SND1: variants seen among roughly 807,000 people sequenced by gnomAD.
SND1 encodes staphylococcal nuclease domain-containing protein 1.
A neutral mutation model predicts 121.7 loss-of-function variants in SND1; 38 were observed. The observed-to-expected ratio is 0.31, with a 90% CI of 0.24 to 0.41. The LOEUF (loss-of-function observed/expected upper bound fraction) is 0.41, where lower values mean the gene tolerates loss of function less well. Ranked by LOEUF, SND1 falls within the 10% of genes least tolerant of loss-of-function variation. The probability of loss-of-function intolerance (pLI) is 1.00; values close to 1 mark genes in which losing one functional copy is unlikely to be tolerated. For synonymous variants in SND1, 401 were observed against 447.4 expected (o/e 0.90, Z 1.31); for missense variants, 868 against 1,184.6 (o/e 0.73, Z 3.92).
At chr7:128,014,774 T>G (rs1166096801) in intron 16 of SND1, among the ~76,000 whole-genome samples, 1 of 152,232 alleles carries the variant, frequency 6.6e-6, no homozygotes. Context: ...AGTCCACAGC[T>G]GTGTCTGCAA....
intron 10 of SND1, among the ~76,000 whole-genome samples, chr7:127,791,294 A>G (rs959335172): frequency 5.9e-5 from 9 of 151,752 alleles, no homozygotes; most frequent in Admixed American, 2.0e-4. Context: ...AACTACAGGC[A>G]CATGCCACCA....
At chr7:127,874,077 C>G (rs951367520) in intron 12 of SND1, among the ~76,000 whole-genome samples, 4 of 152,100 alleles carry the variant, frequency 2.6e-5, no homozygotes, top group African/African-American at 9.7e-5. Context: ...TATGGTGTCA[C>G]AGGGGCAGGA....
At chr7:127,946,056 A>G (rs952694818) in intron 15 of SND1, among the ~76,000 whole-genome samples, 1 of 152,232 alleles carries the variant, frequency 6.6e-6, no homozygotes, top group Non-Finnish European at 1.5e-5. Context: ...CTAGGAATCA[A>G]TCTGGTACTG....
At chr7:127,744,476 TG>T (rs1283508205) in intron 10 of SND1, among the ~76,000 whole-genome samples, 1 of 152,166 alleles carries the variant, frequency 6.6e-6, no homozygotes, top group Non-Finnish European at 1.5e-5. Context: ...GCATGTACAG[TG>T]GGTGGAAGTA....
At chr7:128,024,372 T>C (rs1803428148) in intron 16 of SND1, among the ~76,000 whole-genome samples, 1 of 152,088 alleles carries the variant, frequency 6.6e-6, no homozygotes, top group Non-Finnish European at 1.5e-5. Context: ...ATCAGACATA[T>C]GTTTGGATAT....
intron 10 of SND1, among the ~76,000 whole-genome samples, chr7:127,767,119 T>C (rs1797436900): frequency 6.6e-6 from 1 of 152,200 alleles, no homozygotes; most frequent in Admixed American, 6.5e-5. Flanking sequence ...TTACTCATCC[T>C]ACTTCTCATT....
At chr7:127,835,726 G>A (rs1283207224) in intron 11 of SND1, among the ~76,000 whole-genome samples, 1 of 152,070 alleles carries the variant, frequency 6.6e-6, no homozygotes, top group South Asian at 2.1e-4. Context: ...CTGGAGAATC[G>A]AGATTTAATG....
intron 11 of SND1, among the ~76,000 whole-genome samples, chr7:127,812,447 T>A (rs2116585971): frequency 6.6e-6 from 1 of 152,340 alleles, no homozygotes; most frequent in South Asian, 2.1e-4. Flanking sequence ...CGCCTAAATA[T>A]ACAGACAATG....
chr7:128,087,258 G>A (rs555402621), intron 21 of SND1, among the ~76,000 whole-genome samples: 102 of 152,322 alleles, frequency 6.7e-4, no homozygotes, highest in African/African-American at 2.3e-3. Context: ...AGGCCAGGGT[G>A]CATTTGGACA....
rs370442602 is a variant in SND1, at chr7:127,652,413, C to G, written c.40C>G (p.Pro14Ala). Residue 14 changes from proline (P) to alanine (A), a missense_variant, in exon 1 of 24, where the codon CCC becomes GCC. Around this residue, in one of 2 missense-constraint regions of SND1, gnomAD observed 125 missense variants for 113.3 expected, o/e 1.10. Transcript: ENST00000354725. ...GCAGAGCGGCGGCTCCTCCGGGGGA[C>G]CCGCGGTCCCCACCGTGCAGCGGGG... The part of the protein sequence containing the change: ...SAQSGGSSGG[P>A]AVPTVQRGII... 4 of 1,569,664 alleles carry G rather than the reference C, an allele frequency of 2.5e-6. No individual in the cohort carries two copies. The highest frequency in any genetic ancestry group is 1.2e-5 in the South Asian group (1 of 83,280).
chr7:127,803,870 C>T (rs547939303), intron 10 of SND1, among the ~76,000 whole-genome samples: 6 of 152,332 alleles, frequency 3.9e-5, no homozygotes, highest in African/African-American at 1.4e-4. Context: ...AGATGACTGA[C>T]GTTACCTCTT....
chr7:128,072,660 T>A (rs1046492032), intron 16 of SND1, among the ~76,000 whole-genome samples: 1 of 151,986 alleles, frequency 6.6e-6, no homozygotes, highest in Non-Finnish European at 1.5e-5. Flanking sequence ...TGTCCACCCC[T>A]ACCACACTAC....
chr7:127,716,339 TC>T, intron 9 of SND1, among the ~76,000 whole-genome samples: 1 of 152,340 alleles, frequency 6.6e-6, no homozygotes. Context: ...CAGTCCATGA[TC>T]ATGGGACGTG....
At chr7:127,825,151 C>T (rs1798619655) in intron 11 of SND1, among the ~76,000 whole-genome samples, 1 of 152,132 alleles carries the variant, frequency 6.6e-6, no homozygotes. Flanking sequence ...TGCTCTGTCA[C>T]CAAGGCTGGA....
intron 16 of SND1, among the ~76,000 whole-genome samples, chr7:128,064,665 T>G (rs551377823): frequency 6.6e-6 from 1 of 152,238 alleles, no homozygotes; most frequent in African/African-American, 2.4e-5. Flanking sequence ...AGGCGAAAGT[T>G]GAGTTCTATA....
chr7:128,028,670 G>A (rs750749244), intron 16 of SND1: 30 of 1,598,946 alleles, frequency 1.9e-5, no homozygotes, highest in Non-Finnish European at 2.3e-5. Context: ...GTTTTTTGGG[G>A]GAGGGGAGTC....
rs749018871 is a variant in SND1, at chr7:128,052,820, C to A, written c.1780-21682C>A. Among the ~76,000 whole-genome samples, 1 of 152,192 alleles carries A rather than the reference C, an allele frequency of 6.6e-6. No individual in the cohort carries two copies. The highest frequency in any genetic ancestry group is 1.5e-5 in the Non-Finnish European group (1 of 68,038). ...ATTTCAGTGTTACTTCGATGGGTCC[C>A]TTGGGGCAGAAAAATTATAGTTAAG... On this transcript the variant is annotated intron_variant, in intron 16 of 23. Coordinates refer to ENST00000354725, the MANE Select transcript of SND1 (RefSeq NM_014390.4). This position sits in a 1 kb window ranked among gnomAD's most constrained non-coding sequence, Gnocchi z 4.6.
intron 13 of SND1, among the ~76,000 whole-genome samples, chr7:127,897,069 G>C (rs534469602): frequency 3.3e-5 from 5 of 152,206 alleles, no homozygotes; most frequent in Admixed American, 1.3e-4. Context: ...TTCATTTGCA[G>C]GATTCTTTAC....
intron 10 of SND1, among the ~76,000 whole-genome samples, chr7:127,793,238 C>T (rs955921221): frequency 6.6e-5 from 10 of 152,134 alleles, no homozygotes; most frequent in African/African-American, 2.4e-4. Context: ...GGGAGGCAGA[C>T]GATAGAAACT....
Sources: gnomAD v4.1 joint callset for allele counts (sites outside exome capture counted in the v4.1 genomes callset) on GRCh38, gnomAD v4.1.1 for gene constraint, gnomAD v4.1.1 regional missense constraint, Gnocchi (gnomAD v3.1) non-coding constraint, MANE v1.5 for transcripts, NCBI Gene and HGNC (gene_info 2026-07-23, HGNC 2026-07-21) for gene names.